The following WWOX variants were observed in gnomAD, a reference collection of about 807,000 sequenced individuals.
WWOX encodes the protein WW domain containing oxidoreductase.
In WWOX, 69 loss-of-function variants were observed where a neutral mutation model predicts 46.2. That is an observed-to-expected ratio of 1.49 (90% CI 1.23 to 1.82). The LOEUF is 1.82. Among genes scored for constraint, WWOX ranks in the 40% most tolerant of loss-of-function variants. The pLI is 0.00. For synonymous variants in WWOX, 359 were observed against 202.6 expected, an observed-to-expected ratio of 1.77 and a Z score of -6.56; for missense variants, 919 against 542.6, an observed-to-expected ratio of 1.69 and a Z score of -6.89.
chr16:79,039,291 CT>C (rs2151407468), intron 8 of WWOX, among the ~76,000 whole-genome samples: 1 of 152,210 alleles, frequency 6.6e-6, no homozygotes, highest in Admixed American at 6.5e-5. Context: ...TCTCTGCGCC[CT>C]TGGATTGCCT....
At chr16:79,001,049 A>G (rs1011612116) in intron 8 of WWOX, among the ~76,000 whole-genome samples, 3 of 152,232 alleles carry the variant, frequency 2.0e-5, no homozygotes, top group Non-Finnish European at 4.4e-5. Flanking sequence ...GAAGGAGTCA[A>G]TAAATACATT....
intron 8 of WWOX, among the ~76,000 whole-genome samples, chr16:78,478,991 TATG>T (rs374334548): frequency 2.6e-4 from 39 of 152,282 alleles, no homozygotes; most frequent in East Asian, 1.5e-3. Context: ...TAATCTGTAT[TATG>T]ATCAACAAGG....
At chr16:78,343,018 T>C (rs774265689) in intron 5 of WWOX, among the ~76,000 whole-genome samples, 4 of 121,410 alleles carry the variant, frequency 3.3e-5, no homozygotes, top group Non-Finnish European at 7.9e-5. Flanking sequence ...CACCTTGTAT[T>C]TGTATTTCCT....
chr16:78,351,980 T>C (rs2081194122), intron 5 of WWOX, among the ~76,000 whole-genome samples: 1 of 152,166 alleles, frequency 6.6e-6, no homozygotes, highest in Non-Finnish European at 1.5e-5. Flanking sequence ...TCTTCAAACC[T>C]AGATCAAGAG....
At chr16:78,334,593 C>G (rs1212162177) in intron 5 of WWOX, among the ~76,000 whole-genome samples, 1 of 152,028 alleles carries the variant, frequency 6.6e-6, no homozygotes, top group Non-Finnish European at 1.5e-5. Flanking sequence ...AAGATATTCC[C>G]AAACAGAACA....
chr16:78,819,180 C>A (rs902919103), intron 8 of WWOX, among the ~76,000 whole-genome samples: 3 of 152,140 alleles, frequency 2.0e-5, no homozygotes, highest in Admixed American at 2.0e-4. Flanking sequence ...TCTTCTCAGC[C>A]CCATCAGGTT....
chr16:79,119,096 A>G (rs1401895672), intron 8 of WWOX, among the ~76,000 whole-genome samples: 1 of 152,176 alleles, frequency 6.6e-6, no homozygotes, highest in Non-Finnish European at 1.5e-5. Context: ...TGTGAGACAT[A>G]TTGCCAAATT....
chr16:78,835,998 T>A (rs554512068), intron 8 of WWOX, among the ~76,000 whole-genome samples: 2 of 152,360 alleles, frequency 1.3e-5, no homozygotes, highest in African/African-American at 4.8e-5. Flanking sequence ...CTCGTTATTC[T>A]TGTTCCCTTC....
In WWOX at chr16:78,348,673, G is replaced by A. The variant is rs1304435241; in HGVS notation, c.517-38187G>A. Among the ~76,000 whole-genome samples the A allele has an allele frequency of 5.9e-5, 7 of 119,394 alleles. 1 individual carries two copies. Among genetic ancestry groups the A allele is most frequent in the Non-Finnish European group, 1.4e-4 (7 of 50,088 alleles). 78.3% of individuals were successfully genotyped at this position (119,394 alleles called of 152,430 possible). On this transcript the variant is annotated intron_variant, in intron 5 of 8. Transcript: ENST00000566780. ...GGCTTTCCCCATGTTGCCCAGGCTG[G>A]TCTCTAACTCCTGAGCTCAAGAGAT...
intron 8 of WWOX, among the ~76,000 whole-genome samples, chr16:78,926,328 G>C (rs550506531): frequency 6.6e-6 from 1 of 151,388 alleles, no homozygotes; most frequent in Non-Finnish European, 1.5e-5. Flanking sequence ...AGCCATGCTC[G>C]TGCCATTGCA....
intron 8 of WWOX, among the ~76,000 whole-genome samples, chr16:78,755,749 T>C (rs2142469260): frequency 6.6e-6 from 1 of 152,282 alleles, no homozygotes; most frequent in South Asian, 2.1e-4. Flanking sequence ...CCGAATATTA[T>C]TCCTGAAAAG....
At chr16:78,819,125 T>G (rs1213670878) in intron 8 of WWOX, among the ~76,000 whole-genome samples, 1 of 152,360 alleles carries the variant, frequency 6.6e-6, no homozygotes, top group African/African-American at 2.4e-5. Flanking sequence ...TTCTGCACTC[T>G]TTCTCAGTCA....
chr16:78,866,996 C>T (rs2044017944), intron 8 of WWOX, among the ~76,000 whole-genome samples: 1 of 152,180 alleles, frequency 6.6e-6, no homozygotes, highest in Admixed American at 6.5e-5. Flanking sequence ...TGTGATTTGT[C>T]ATAAACGCTC....
At chr16:78,636,239 C>G (rs1157817503) in intron 8 of WWOX, among the ~76,000 whole-genome samples, 1 of 152,122 alleles carries the variant, frequency 6.6e-6, no homozygotes, top group East Asian at 1.9e-4. Flanking sequence ...GTCCCAAATG[C>G]AAGGGGAGGG....
At chr16:78,624,779 A>G (rs779933836) in intron 8 of WWOX, among the ~76,000 whole-genome samples, 1 of 152,210 alleles carries the variant, frequency 6.6e-6, no homozygotes, top group Non-Finnish European at 1.5e-5. Context: ...GAACGACACA[A>G]TGGTGAACGA....
intron 8 of WWOX, among the ~76,000 whole-genome samples, chr16:78,812,630 G>A (rs1050540860): frequency 2.6e-5 from 4 of 151,930 alleles, no homozygotes; most frequent in Admixed American, 6.6e-5. Flanking sequence ...GGAGGCTGAC[G>A]CGCGAGAATC....
chr16:78,243,781 G>A (rs951277580), intron 5 of WWOX, among the ~76,000 whole-genome samples: 3 of 152,130 alleles, frequency 2.0e-5, no homozygotes, highest in African/African-American at 7.2e-5. Flanking sequence ...TCCTGACCTC[G>A]AGTGATCTGC....
chr16:78,483,199 C>G (rs2667567), intron 8 of WWOX, among the ~76,000 whole-genome samples: 23,521 of 151,890 alleles, frequency 0.15, 1,902 homozygotes, highest in Non-Finnish European at 0.17. Flanking sequence ...ATACTTTTAC[C>G]TTTTTGATTT....
chr16:78,452,804 A>G (rs141609468), intron 8 of WWOX, among the ~76,000 whole-genome samples: 2 of 149,686 alleles, frequency 1.3e-5, no homozygotes, highest in East Asian at 4.0e-4. Context: ...ATGTCTTTCG[A>G]TCTTTTTCTG....
Sources: gnomAD v4.1 joint callset for allele counts (sites outside exome capture counted in the v4.1 genomes callset) on GRCh38, gnomAD v4.1.1 for gene constraint, MANE v1.5 for transcripts, NCBI Gene and HGNC (gene_info 2026-07-23, HGNC 2026-07-21) for gene names.